PSPC1: variants seen among roughly 807,000 people sequenced by gnomAD.
The protein encoded by PSPC1 is paraspeckle protein 1.
Under a neutral mutation model 51.6 loss-of-function variants are expected in PSPC1, and 14 were observed. The ratio of observed to expected loss-of-function variants is 0.27; its 90% CI spans 0.18 to 0.42. The LOEUF is 0.42. PSPC1 is among the 10% of genes least tolerant of loss of function. PSPC1 has a pLI of 1.00. For synonymous variants in PSPC1, 193 were observed against 231.9 expected (o/e 0.83, Z 1.53); for missense variants, 406 against 701.1 (o/e 0.58, Z 4.75).
chr13:19,718,394 C>T (rs1882378411), intron 6 of PSPC1, among the ~76,000 whole-genome samples: 1 of 152,030 alleles, frequency 6.6e-6, no homozygotes, highest in East Asian at 1.9e-4. Flanking sequence ...GATAGAATTG[C>T]AAATTACATT....
chr13:19,766,751 A>G (rs1888111365), intron 2 of PSPC1, among the ~76,000 whole-genome samples: 1 of 151,878 alleles, frequency 6.6e-6, no homozygotes, highest in Admixed American at 6.6e-5. Flanking sequence ...GCAGCTTGGG[A>G]GCCTGAGGTG....
chr13:19,772,191 A>T, intron 2 of PSPC1, 51 bp downstream of exon 2: 1 of 1,548,500 alleles, frequency 6.5e-7, no homozygotes, highest in East Asian at 2.3e-5. Flanking sequence ...CAAAACAGAG[A>T]GAAGCCCATA....
intron 6 of PSPC1, among the ~76,000 whole-genome samples, chr13:19,713,545 CAAAAAAAAA>C (rs61024238): frequency 1.7e-4 from 15 of 87,212 alleles, no homozygotes; most frequent in South Asian, 1.4e-3. Flanking sequence ...CCCAGACAGC[CAAAAAAAAA>C]AAAAAAAAAA....
intron 5 of PSPC1, among the ~76,000 whole-genome samples, chr13:19,739,869 A>G (rs1416698181): frequency 6.6e-6 from 1 of 151,908 alleles, no homozygotes; most frequent in Non-Finnish European, 1.5e-5. Context: ...GTTTAAAAAA[A>G]AAAAAAAAAA....
intron 1 of PSPC1, among the ~76,000 whole-genome samples, chr13:19,776,541 C>A (rs1324601309): frequency 6.6e-6 from 1 of 151,238 alleles, no homozygotes; most frequent in Non-Finnish European, 1.5e-5. Flanking sequence ...GAGATGGAGT[C>A]TCACTCTGTC....
Position 19,756,631 on chromosome 13 carries a change from C to T in PSPC1, c.770+2692G>A, listed in dbSNP as rs149036327. On this transcript the variant is annotated intron_variant, in intron 3 of 8. Coordinates refer to ENST00000338910, the MANE Select transcript of PSPC1 (RefSeq NM_001354909.2). ...TCTCCCGCCTCAGCCTCCTGAGTAG[C>T]TAGAATTACAGATGCGTGCCACCAC... Among the ~76,000 whole-genome samples, 1,488 of 152,050 alleles carry T rather than the reference C, an allele frequency of 9.8e-3. 24 individuals carry two copies. The highest frequency in any genetic ancestry group is 0.034 in the African/African-American group (1,416 of 41,538).
chr13:19,780,741 TC>T (rs1415696725), intron 1 of PSPC1, among the ~76,000 whole-genome samples: 1 of 148,666 alleles, frequency 6.7e-6, no homozygotes, highest in Non-Finnish European at 1.5e-5. Flanking sequence ...CTGCTGACCT[TC>T]CCTCCACTAT....
intron 5 of PSPC1, among the ~76,000 whole-genome samples, chr13:19,730,965 CA>C (rs56753561): frequency 0.017 from 641 of 37,346 alleles, 24 homozygotes; most frequent in South Asian, 0.14. Context: ...AACAAAAAAA[CA>C]AAAAAAAAAA....
At chr13:19,684,494 T>C (rs1253891555) in intron 6 of PSPC1, among the ~76,000 whole-genome samples, 1 of 152,200 alleles carries the variant, frequency 6.6e-6, no homozygotes, top group Non-Finnish European at 1.5e-5. Context: ...GGAAACAAAT[T>C]GTCAAATAAT....
At chr13:19,776,140 TAAAC>T (rs985948203) in intron 1 of PSPC1, among the ~76,000 whole-genome samples, 5 of 152,094 alleles carry the variant, frequency 3.3e-5, no homozygotes, top group East Asian at 1.9e-4. Flanking sequence ...GGGTTTGAGT[TAAAC>T]AGACATATAC....
At chr13:19,679,538 G>T (rs1049640252) in intron 6 of PSPC1, among the ~76,000 whole-genome samples, 1 of 152,112 alleles carries the variant, frequency 6.6e-6, no homozygotes, top group African/African-American at 2.4e-5. Flanking sequence ...GCCCCGAGTG[G>T]TTGTGTCTAT....
At chr13:19,709,025 G>A (rs1204333909) in intron 7 of PSPC1, among the ~76,000 whole-genome samples, 20 of 151,898 alleles carry the variant, frequency 1.3e-4, no homozygotes, top group Non-Finnish European at 2.5e-4. Flanking sequence ...TAAGCCAGGC[G>A]TGGTGGCACA....
chr13:19,754,628 C>T (rs1205199862), intron 3 of PSPC1, among the ~76,000 whole-genome samples: 3 of 151,144 alleles, frequency 2.0e-5, no homozygotes, highest in African/African-American at 7.3e-5. Context: ...TTAGTAGAGA[C>T]AGGGTTTCAC....
intron 4 of PSPC1, among the ~76,000 whole-genome samples, chr13:19,751,063 CCGT>C (rs1886497617): frequency 6.6e-6 from 1 of 151,994 alleles, no homozygotes; most frequent in South Asian, 2.1e-4. Flanking sequence ...GCCACCGCGC[CCGT>C]CAAGTAAAAC....
At chr13:19,756,091 G>A (rs910578970) in intron 3 of PSPC1, among the ~76,000 whole-genome samples, 3 of 152,032 alleles carry the variant, frequency 2.0e-5, no homozygotes, top group Non-Finnish European at 1.5e-5. Flanking sequence ...ACAAAAATTA[G>A]CTGGGTGTGG....
chr13:19,723,654 A>T (rs938586868), intron 6 of PSPC1, among the ~76,000 whole-genome samples: 6 of 152,246 alleles, frequency 3.9e-5, no homozygotes, highest in Non-Finnish European at 8.8e-5. Context: ...ACCTTCAACC[A>T]ATTATCCCAA....
At chr13:19,775,004 T>G (rs1200595431) in intron 1 of PSPC1, among the ~76,000 whole-genome samples, 1 of 151,708 alleles carries the variant, frequency 6.6e-6, no homozygotes, top group Non-Finnish European at 1.5e-5. Context: ...GCAAGACCTC[T>G]TCTTTATTCC....
At chr13:19,748,978 G>A (rs1886264707) in intron 4 of PSPC1, among the ~76,000 whole-genome samples, 2 of 151,974 alleles carry the variant, frequency 1.3e-5, no homozygotes, top group South Asian at 4.2e-4. Context: ...GGGAGGCCAA[G>A]GTGGGTAGAT....
At chr13:19,684,796 G>T (rs1877671541) in intron 6 of PSPC1, among the ~76,000 whole-genome samples, 1 of 152,158 alleles carries the variant, frequency 6.6e-6, no homozygotes, top group Admixed American at 6.5e-5. Flanking sequence ...CCTTTCTTCT[G>T]CTGCCCCATT....
Sources: gnomAD v4.1 joint callset for allele counts (sites outside exome capture counted in the v4.1 genomes callset) on GRCh38, gnomAD v4.1.1 for gene constraint, MANE v1.5 for transcripts, NCBI Gene and HGNC (gene_info 2026-07-23, HGNC 2026-07-21) for gene names.